TMCC3: variants seen among roughly 807,000 people sequenced by gnomAD.
The protein encoded by TMCC3 is transmembrane and coiled-coil domain family 3.
TMCC3 carries 28 observed loss-of-function variants against 40.2 expected under a neutral mutation model. The ratio of observed to expected loss-of-function variants is 0.70; its 90% CI spans 0.52 to 0.95. TMCC3 has a LOEUF of 0.95. TMCC3 is among the 40% of genes least tolerant of loss of function. The pLI is 0.00. For synonymous variants in TMCC3, 255 were observed against 248.5 expected (o/e 1.03, Z -0.25); for missense variants, 554 against 615.2 (o/e 0.90, Z 1.05).
intron 2 of TMCC3, 30 bp downstream of exon 2, chr12:94,581,592 A>C: frequency 7.7e-7 from 1 of 1,293,438 alleles, no homozygotes; most frequent in Non-Finnish European, 1.0e-6. Context: ...TAAAAAATAA[A>C]AAACACGCCA....
rs1183206559 is a variant in TMCC3, at chr12:94,570,608, T to C, written c.*827A>G. On this transcript the variant is annotated 3_prime_UTR_variant, in exon 4 of 4. Coordinates refer to ENST00000261226, the MANE Select transcript of TMCC3 (RefSeq NM_020698.4). ...GCCCTGTCTCAAAAAAGAAAAAAGA[T>C]TTGCCAAAACACAAACCTTCAGAGT... The C allele has an allele frequency of 1.3e-5, 2 of 152,542 alleles. No individual in the cohort carries two copies. Among genetic ancestry groups the C allele is most frequent in the Non-Finnish European group, 2.9e-5 (2 of 68,030 alleles). The allele number at this position is 152,542 out of a possible 1,614,324, so 9.4% of individuals were successfully genotyped here. A position where few individuals can be genotyped will look rare whatever the true frequency, so the allele number is the denominator to read the frequency against.
intron 1 of TMCC3, among the ~76,000 whole-genome samples, chr12:94,648,829 G>A (rs944630975): frequency 6.6e-6 from 1 of 152,202 alleles, no homozygotes; most frequent in East Asian, 1.9e-4. Context: ...GAAGATCACA[G>A]TTGTGACAAG....
At chr12:94,614,137 T>C (rs1277212597) in intron 1 of TMCC3, among the ~76,000 whole-genome samples, 1 of 148,088 alleles carries the variant, frequency 6.8e-6, no homozygotes, top group Non-Finnish European at 1.5e-5. Context: ...AATTACACAG[T>C]AAAATAAAAT....
chr12:94,600,217 T>C (rs2068744370), intron 1 of TMCC3, among the ~76,000 whole-genome samples: 1 of 151,930 alleles, frequency 6.6e-6, no homozygotes, highest in African/African-American at 2.4e-5. Flanking sequence ...TCATCTCTTC[T>C]TTAAAACTGT....
At chr12:94,630,501 A>G (rs151227808) in intron 1 of TMCC3, among the ~76,000 whole-genome samples, 1 of 152,102 alleles carries the variant, frequency 6.6e-6, no homozygotes, top group African/African-American at 2.4e-5. Flanking sequence ...CAAGTCGCTT[A>G]ACCCCTGTTT....
chr12:94,582,561 A>T (rs1442278041), intron 1 of TMCC3, 23 bp from the exon 2 acceptor site: 1 of 1,553,140 alleles, frequency 6.4e-7, no homozygotes, highest in African/African-American at 1.4e-5. Flanking sequence ...GGAAAGAAGC[A>T]CATTAAAATT....
In TMCC3 at chr12:94,571,413, T is replaced by C. The variant is rs2068527046; in HGVS notation, c.*22A>G. ...CTTTAAAATAAAAACTTGAAAGAAC[T>C]TGAAGGCAGGAACCAGTGGCTTCAT... On this transcript the variant is annotated 3_prime_UTR_variant, in exon 4 of 4. Coordinates refer to ENST00000261226, the MANE Select transcript of TMCC3 (RefSeq NM_020698.4). 6.2e-7 allele frequency: 1 copy of C among 1,601,314 alleles called. No individual in the cohort carries two copies. The highest frequency in any genetic ancestry group is 8.5e-7 in the Non-Finnish European group (1 of 1,171,774).
At chr12:94,630,595 G>A (rs939201944) in intron 1 of TMCC3, among the ~76,000 whole-genome samples, 4 of 152,160 alleles carry the variant, frequency 2.6e-5, no homozygotes, top group African/African-American at 9.7e-5. Context: ...CCCAGGTGGA[G>A]CCTTGTCATA....
At chr12:94,630,039 GCAAA>G (rs2068924092) in intron 1 of TMCC3, among the ~76,000 whole-genome samples, 2 of 152,218 alleles carry the variant, frequency 1.3e-5, no homozygotes, top group Non-Finnish European at 2.9e-5. Flanking sequence ...GCTATGGCAG[GCAAA>G]TCACTTGAGG....
At chr12:94,607,061 C>G (rs572372007) in intron 1 of TMCC3, among the ~76,000 whole-genome samples, 43 of 152,150 alleles carry the variant, frequency 2.8e-4, no homozygotes, top group Non-Finnish European at 5.4e-4. Flanking sequence ...TACAGACCTC[C>G]CCCCAGGAAT....
intron 1 of TMCC3, among the ~76,000 whole-genome samples, chr12:94,635,858 A>G (rs188492206): frequency 7.5e-4 from 114 of 152,000 alleles, no homozygotes; most frequent in Middle Eastern, 3.4e-3. Flanking sequence ...TAGTAGAGAC[A>G]GGGTTTCACC....
At chr12:94,633,749 T>C (rs1474730713) in intron 1 of TMCC3, among the ~76,000 whole-genome samples, 2 of 152,160 alleles carry the variant, frequency 1.3e-5, no homozygotes, top group Admixed American at 6.5e-5. Context: ...TCTAGGCTCA[T>C]TTTAGGCTGT....
intron 1 of TMCC3, among the ~76,000 whole-genome samples, chr12:94,605,269 T>C (rs1404895270): frequency 6.6e-6 from 1 of 152,188 alleles, no homozygotes; most frequent in African/African-American, 2.4e-5. Context: ...GAATTTGGAA[T>C]ATCAAAAAGA....
intron 2 of TMCC3, among the ~76,000 whole-genome samples, chr12:94,578,760 G>C (rs1187857830): frequency 6.6e-6 from 1 of 152,168 alleles, no homozygotes; most frequent in East Asian, 1.9e-4. Flanking sequence ...TGCCACTGAA[G>C]GTGCACACGG....
intron 1 of TMCC3, among the ~76,000 whole-genome samples, chr12:94,601,000 T>C (rs2068749051): frequency 1.3e-5 from 2 of 152,176 alleles, no homozygotes; most frequent in Non-Finnish European, 2.9e-5. Context: ...AAGAAAGAAA[T>C]ACATGTTTAC....
intron 1 of TMCC3, among the ~76,000 whole-genome samples, chr12:94,623,910 G>C (rs983243093): frequency 2.0e-5 from 3 of 152,212 alleles, no homozygotes; most frequent in African/African-American, 7.2e-5. Flanking sequence ...TGGACAACCA[G>C]CTTCAAGAAA....
In TMCC3 at chr12:94,578,390, G is replaced by A; in HGVS notation, c.1131+4C>T. 1 of 1,613,552 alleles carries A rather than the reference G, an allele frequency of 6.2e-7. No homozygotes were observed. The stretch of plus-strand genomic sequence containing the variant: ...CCTGTGTCTAATCACAAAGGGAAAG[G>A]TACCTGGATGTCCCGCGAGCGCTCG... On this transcript the variant is annotated splice_donor_region_variant and intron_variant, in intron 3 of 3. Coordinates refer to ENST00000261226, the MANE Select transcript of TMCC3 (RefSeq NM_020698.4).
chr12:94,595,456 G>T lies in TMCC3; in HGVS notation c.79-12918C>A, dbSNP rs544560907. On this transcript the variant is annotated intron_variant, in intron 1 of 3. Coordinates refer to ENST00000261226, the MANE Select transcript of TMCC3 (RefSeq NM_020698.4). ...TGTCCTTTGAAAAGTTGCTATGTAA[G>T]ACTGAGCCAGGAAATAGCGTTTGGT... 2.0e-5 allele frequency among the ~76,000 whole-genome samples: 3 copies of T among 152,304 alleles called. No homozygotes were observed. The South Asian group carries it at 6.2e-4, about 32-fold the overall frequency.
Position 94,581,713 on chromosome 12 carries a change from C to A in TMCC3, c.904G>T (p.Ala302Ser). The A allele has an allele frequency of 7.4e-6, 12 of 1,614,230 alleles. No homozygotes were observed. The highest frequency in any genetic ancestry group is 7.6e-6 in the Non-Finnish European group (9 of 1,180,040). ...GCCTCGATGTCCTCAGCCAGCTGAG[C>A]TTGGGTATCCTTGATCTCCCTCAGT... ...EELREIKDTQ[A>S]QLAEDIEALK... Residue 302 changes from alanine to serine, a missense_variant, in exon 2 of 4, where the codon GCT becomes TCT. Coordinates refer to ENST00000261226, the MANE Select transcript of TMCC3 (RefSeq NM_020698.4).
Sources: gnomAD v4.1 joint callset for allele counts (sites outside exome capture counted in the v4.1 genomes callset) on GRCh38, gnomAD v4.1.1 for gene constraint, MANE v1.5 for transcripts, NCBI Gene and HGNC (gene_info 2026-07-23, HGNC 2026-07-21) for gene names.